AGBL3: variants seen among roughly 807,000 people sequenced by gnomAD.
AGBL3 encodes the protein cytosolic carboxypeptidase 3.
In AGBL3, 68 loss-of-function variants were observed where a neutral mutation model predicts 94.5. The ratio of observed to expected loss-of-function variants is 0.72; its 90% CI spans 0.59 to 0.88. The LOEUF (loss-of-function observed/expected upper bound fraction) is 0.88, where lower values mean the gene tolerates loss of function less well. Among genes scored for constraint, AGBL3 ranks in the 40% least tolerant of loss-of-function variants. The pLI is 0.00. For missense variants in AGBL3, 934 were observed against 1,103.8 expected (o/e 0.85, Z 2.18); for synonymous variants, 354 against 370.7 (o/e 0.95, Z 0.52).
At chr7:135,106,405 TGA>T (rs1824728857) in intron 15 of AGBL3, among the ~76,000 whole-genome samples, 1 of 152,206 alleles carries the variant, frequency 6.6e-6, no homozygotes, top group African/African-American at 2.4e-5. Flanking sequence ...ACTAGTTTAT[TGA>T]GAGTTTTTAA....
intron 12 of AGBL3, among the ~76,000 whole-genome samples, chr7:135,071,441 C>A (rs942421783): frequency 1.1e-4 from 17 of 152,090 alleles, no homozygotes; most frequent in Admixed American, 9.2e-4. Context: ...CAAAAAAGAG[C>A]CCGCATTGCC....
At chr7:135,036,658 T>C in intron 7 of AGBL3, among the ~76,000 whole-genome samples, 1 of 152,236 alleles carries the variant, frequency 6.6e-6, no homozygotes, top group East Asian at 1.9e-4. Context: ...CTTTAAGTGC[T>C]ACCGAAGCTC....
At position 135,134,807 on chromosome 7, in the gene AGBL3, G is replaced by A. The variant is rs1196933498; in HGVS notation, c.2343-34G>A. ...TAGGACTACAAAGTAGGTCCATGAT[G>A]GACAAAAATTCACGTATTTCATTTC... On this transcript the variant is annotated intron_variant, in intron 16 of 16. Coordinates refer to ENST00000436302, the MANE Select transcript of AGBL3 (RefSeq NM_178563.4). The A allele has an allele frequency of 5.2e-6, 8 of 1,534,648 alleles. No individual in the cohort carries two copies. In the East Asian group the frequency reaches 2.0e-4, roughly 38 times the overall value.
intron 4 of AGBL3, among the ~76,000 whole-genome samples, chr7:135,012,746 A>G (rs1364807405): frequency 6.6e-6 from 1 of 152,138 alleles, no homozygotes; most frequent in African/African-American, 2.4e-5. Context: ...ATGTAGAAAA[A>G]AAAATCCTTG....
At chr7:135,116,986 GTGT>G (rs1417976786) in intron 16 of AGBL3, among the ~76,000 whole-genome samples, 2 of 152,166 alleles carry the variant, frequency 1.3e-5, no homozygotes, top group African/African-American at 4.8e-5. Flanking sequence ...AGACACCATT[GTGT>G]TGTTCCTTTG....
chr7:135,034,801 A>C lies in AGBL3; in HGVS notation c.1210A>C (p.Asn404His). Reference sequence around the variant, plus strand: ...TGTCTTCAAGGTGGTACCCATGCTCAATCCAGATGGTGTGATTGTGGGAAA... The same window carrying C: ...TGTCTTCAAGGTGGTACCCATGCTCCATCCAGATGGTGTGATTGTGGGAAA... ...TFVFKVVPML[N>H]PDGVIVGNYR... The change falls in exon 7 of 17, where the codon AAT becomes CAT. Residue 404 changes from asparagine (N) to histidine (H), a missense_variant. Physicochemically the swap from Asn to His is moderately conservative, Grantham distance 68. Around this residue, in one of 3 missense-constraint regions of AGBL3, gnomAD observed 488 missense variants for 563.6 expected, o/e 0.87. Coordinates refer to ENST00000436302, the MANE Select transcript of AGBL3 (RefSeq NM_178563.4). The C allele has an allele frequency of 6.4e-7, 1 of 1,552,282 alleles. No homozygotes were observed. Among genetic ancestry groups the C allele is most frequent in the Non-Finnish European group, 8.7e-7 (1 of 1,147,294 alleles).
chr7:135,133,964 G>T (rs1245588149), intron 16 of AGBL3, among the ~76,000 whole-genome samples: 1 of 151,652 alleles, frequency 6.6e-6, no homozygotes, highest in African/African-American at 2.4e-5. Flanking sequence ...AAAAAAAAAA[G>T]CTGATCCTAG....
chr7:134,995,918 GA>G (rs1456487658), intron 4 of AGBL3, among the ~76,000 whole-genome samples: 1 of 152,184 alleles, frequency 6.6e-6, no homozygotes, highest in Non-Finnish European at 1.5e-5. Context: ...TGTGTAGGAA[GA>G]ATCAAAATCT....
chr7:135,064,204 C>A (rs1367058037), intron 12 of AGBL3, among the ~76,000 whole-genome samples: 1 of 152,164 alleles, frequency 6.6e-6, no homozygotes, highest in Non-Finnish European at 1.5e-5. Flanking sequence ...GCCAGGAGTA[C>A]TAAAAGTGCA....
intron 4 of AGBL3, chr7:135,011,854 G>A (rs1813199438): frequency 6.6e-6 from 1 of 152,146 alleles, no homozygotes; most frequent in South Asian, 2.1e-4. Flanking sequence ...TTGGATGATA[G>A]CTTGGCGTTA....
intron 5 of AGBL3, among the ~76,000 whole-genome samples, chr7:135,027,814 C>A (rs1815311631): frequency 1.3e-5 from 2 of 151,602 alleles, no homozygotes; most frequent in African/African-American, 4.8e-5. Flanking sequence ...ACACATTACC[C>A]ATTACATACA....
intron 4 of AGBL3, among the ~76,000 whole-genome samples, chr7:135,015,705 G>A (rs12535867): frequency 0.24 from 35,830 of 151,652 alleles, 5,301 homozygotes; most frequent in South Asian, 0.42. Flanking sequence ...TCTGGATTTC[G>A]TGCAACTTTT....
At chr7:135,120,716 A>G (rs925825725) in intron 16 of AGBL3, among the ~76,000 whole-genome samples, 1 of 152,242 alleles carries the variant, frequency 6.6e-6, no homozygotes, top group African/African-American at 2.4e-5. Flanking sequence ...AAATATGACA[A>G]TGGAGGCAGG....
intron 12 of AGBL3, among the ~76,000 whole-genome samples, chr7:135,063,176 G>T (rs1417428047): frequency 6.6e-6 from 1 of 151,954 alleles, no homozygotes; most frequent in Admixed American, 6.6e-5. Flanking sequence ...AGTCTTTTAT[G>T]ATCCTATTTC....
At chr7:135,020,791 G>C (rs1814347293) in intron 5 of AGBL3, among the ~76,000 whole-genome samples, 1 of 151,552 alleles carries the variant, frequency 6.6e-6, no homozygotes, top group African/African-American at 2.4e-5. Flanking sequence ...CCATCATTCT[G>C]AGCAAAGTAT....
chr7:135,084,243 T>C (rs1821152506), intron 15 of AGBL3, among the ~76,000 whole-genome samples: 8 of 152,174 alleles, frequency 5.3e-5, no homozygotes, highest in Admixed American at 5.2e-4. Flanking sequence ...TAATTGTACA[T>C]ATGGGGTACA....
chr7:135,050,500 T>C (rs1817772952), intron 11 of AGBL3, among the ~76,000 whole-genome samples: 1 of 152,022 alleles, frequency 6.6e-6, no homozygotes. Flanking sequence ...GCTATTATTG[T>C]ATTGCCGTTT....
intron 1 of AGBL3, 116 bp from the exon 2 acceptor site, chr7:134,987,758 AG>A (rs990269753): frequency 3.2e-5 from 17 of 537,636 alleles, no homozygotes; most frequent in African/African-American, 6.0e-5. Flanking sequence ...TATTCTAATT[AG>A]TTTTTAGAGA....
intron 16 of AGBL3, chr7:135,128,732 G>C (rs1585283122): frequency 9.4e-6 from 13 of 1,384,522 alleles, no homozygotes; most frequent in African/African-American, 1.4e-5. Flanking sequence ...AAAGTGCAGA[G>C]AAGGACAGCT....
Sources: allele counts gnomAD v4.1 joint callset (sites outside exome capture counted in the v4.1 genomes callset), GRCh38; gene constraint gnomAD v4.1.1; regional missense constraint gnomAD v4.1.1; transcripts MANE v1.5; gene names NCBI Gene and HGNC (gene_info 2026-07-23, HGNC 2026-07-21).